The following CLASP1 variants were observed in gnomAD, a reference collection of about 807,000 sequenced individuals.
CLASP1 encodes the protein CLIP-associating protein 1.
In CLASP1, 38 loss-of-function variants were observed where a neutral mutation model predicts 192.3. That is an observed-to-expected ratio of 0.20 (90% CI 0.15 to 0.26). The LOEUF is 0.26. Among genes scored for constraint, CLASP1 ranks in the 10% least tolerant of loss-of-function variants. The pLI, the probability that CLASP1 is intolerant of heterozygous loss-of-function variation, is 1.00. For missense variants in CLASP1, 1,433 were observed against 1,932.5 expected (o/e 0.74, Z 4.85); for synonymous variants, 691 against 712.8 (o/e 0.97, Z 0.49).
chr2:121,550,700 G>A (rs1392060503), intron 2 of CLASP1, among the ~76,000 whole-genome samples: 1 of 152,122 alleles, frequency 6.6e-6, no homozygotes, highest in African/African-American at 2.4e-5. Context: ...GGAAGAAACT[G>A]ATTCCCTGAG....
At chr2:121,418,821 A>G in intron 22 of CLASP1, 92 bp from the exon 23 acceptor site, 1 of 928,276 alleles carries the variant, frequency 1.1e-6, no homozygotes, top group Non-Finnish European at 1.7e-6. Flanking sequence ...TGGTTAATGT[A>G]ATTACGACAT....
At chr2:121,516,838 C>T (rs760971699) in intron 6 of CLASP1, among the ~76,000 whole-genome samples, 1 of 151,438 alleles carries the variant, frequency 6.6e-6, no homozygotes, top group Non-Finnish European at 1.5e-5. Context: ...ACCAGCCTGG[C>T]CAACATGGTG....
intron 17 of CLASP1, among the ~76,000 whole-genome samples, chr2:121,448,532 G>C (rs1402805690): frequency 2.0e-5 from 3 of 152,214 alleles, no homozygotes; most frequent in African/African-American, 7.2e-5. Flanking sequence ...TACAGAGAGT[G>C]AAATAGTAAC....
intron 8 of CLASP1, among the ~76,000 whole-genome samples, chr2:121,500,783 T>G (rs982500628): frequency 1.3e-5 from 2 of 152,246 alleles, no homozygotes; most frequent in Non-Finnish European, 2.9e-5. Context: ...ACAGTAATAC[T>G]ACACATACAA....
exon 34 of CLASP1, chr2:121,377,601 A>G (rs1467971777): frequency 6.3e-7 from 1 of 1,594,024 alleles, no homozygotes; most frequent in South Asian, 1.1e-5. Context: ...CACGTAGAGA[A>G]CTATAGATTT....
intron 19 of CLASP1, among the ~76,000 whole-genome samples, chr2:121,441,849 A>C (rs904242322): frequency 1.3e-5 from 2 of 152,232 alleles, no homozygotes; most frequent in Non-Finnish European, 2.9e-5. Context: ...TGTAAAAAGG[A>C]CAATTACCTA....
intron 1 of CLASP1, among the ~76,000 whole-genome samples, chr2:121,619,632 A>G (rs906626774): frequency 6.6e-6 from 1 of 152,260 alleles, no homozygotes; most frequent in East Asian, 1.9e-4. Flanking sequence ...TAAGGTACTC[A>G]TGATTAGAAT....
chr2:121,364,665 G>A (rs192054381), intron 36 of CLASP1: 43 of 192,532 alleles, frequency 2.2e-4, no homozygotes, highest in Non-Finnish European at 4.3e-4. Context: ...TGTAGGGGGG[G>A]ACCAAGATGG....
chr2:121,347,239 G>C (rs968482029), intron 38 of CLASP1, 85 bp from the exon 40 acceptor site: 13 of 916,408 alleles, frequency 1.4e-5, no homozygotes, highest in Non-Finnish European at 2.3e-5. Context: ...TTCCACAAAT[G>C]CCCTCAGAGT....
intron 1 of CLASP1, among the ~76,000 whole-genome samples, chr2:121,609,574 C>A (rs2064922656): frequency 6.6e-6 from 1 of 152,000 alleles, no homozygotes; most frequent in Non-Finnish European, 1.5e-5. Flanking sequence ...CACATAGTTC[C>A]AAATTCACAA....
chr2:121,367,940 G>C, intron 34 of CLASP1, 109 bp from the exon 36 acceptor site: 9 of 1,422,682 alleles, frequency 6.3e-6, no homozygotes, highest in Non-Finnish European at 8.5e-6. Flanking sequence ...AATATGTATG[G>C]CCAGTGACAA....
intron 14 of CLASP1, among the ~76,000 whole-genome samples, chr2:121,457,363 G>A (rs991584750): frequency 4.6e-5 from 7 of 151,856 alleles, no homozygotes; most frequent in Non-Finnish European, 8.8e-5. Flanking sequence ...GATGACAAAG[G>A]TAGGAGGATT....
At chr2:121,365,150 C>G in exon 36 of CLASP1, 2 of 1,613,944 alleles carry the variant, frequency 1.2e-6, no homozygotes, top group Non-Finnish European at 1.7e-6. Context: ...AAGTGCTCCT[C>G]CCAGACACCA....
chr2:121,423,700 C>T (rs1383011349), intron 22 of CLASP1, among the ~76,000 whole-genome samples: 1 of 152,182 alleles, frequency 6.6e-6, no homozygotes, highest in Non-Finnish European at 1.5e-5. Flanking sequence ...GTGACCTTTT[C>T]TATGATTGTA....
chr2:121,457,292 T>C (rs544411849), intron 14 of CLASP1, among the ~76,000 whole-genome samples: 2 of 152,310 alleles, frequency 1.3e-5, no homozygotes, highest in Admixed American at 6.5e-5. Context: ...TTGCCATTGA[T>C]GTTTACGGTA....
intron 2 of CLASP1, among the ~76,000 whole-genome samples, chr2:121,597,752 C>G (rs1017178795): frequency 6.6e-6 from 1 of 152,186 alleles, no homozygotes; most frequent in Non-Finnish European, 1.5e-5. Context: ...TCCAATGATC[C>G]CAGTAAAGGT....
intron 8 of CLASP1, among the ~76,000 whole-genome samples, chr2:121,482,351 A>T (rs2150088125): frequency 6.6e-6 from 1 of 152,242 alleles, no homozygotes; most frequent in African/African-American, 2.4e-5. Context: ...AAAGTCTCCA[A>T]GTCATGTCCA....
intron 5 of CLASP1, among the ~76,000 whole-genome samples, chr2:121,527,366 G>C (rs1315219561): frequency 6.6e-6 from 1 of 152,136 alleles, no homozygotes; most frequent in Non-Finnish European, 1.5e-5. Context: ...GTGAAAAAAA[G>C]ATAAACTCAA....
At chr2:121,644,019 T>C (rs2072649482) in intron 1 of CLASP1, among the ~76,000 whole-genome samples, 1 of 152,146 alleles carries the variant, frequency 6.6e-6, no homozygotes, top group Non-Finnish European at 1.5e-5. Flanking sequence ...ACATGGTTAT[T>C]AACTCCTACC....
Sources: gnomAD v4.1 joint callset for allele counts (sites outside exome capture counted in the v4.1 genomes callset) on GRCh38, gnomAD v4.1.1 for gene constraint, MANE v1.5 for transcripts, NCBI Gene and HGNC (gene_info 2026-07-23, HGNC 2026-07-21) for gene names.